CABIN1: variants seen among roughly 807,000 people sequenced by gnomAD.
CABIN1 encodes calcineurin-binding protein cabin-1.
Under a neutral mutation model 227.7 loss-of-function variants are expected in CABIN1, and 133 were observed. The ratio of observed to expected loss-of-function variants is 0.58; its 90% CI spans 0.51 to 0.67. CABIN1 has a LOEUF of 0.67. Among genes scored for constraint, CABIN1 ranks in the 30% least tolerant of loss-of-function variants. The pLI is 0.00. For missense variants in CABIN1, 2,408 were observed against 2,852.5 expected (o/e 0.84, Z 3.55); for synonymous variants, 1,086 against 1,155.1 (o/e 0.94, Z 1.21).
rs199854929 is a variant in CABIN1 at position 24,050,989 on chromosome 22, G to A, written c.806+15G>A. 32 of 1,614,016 alleles carry A rather than the reference G, an allele frequency of 2.0e-5. 1 individual carries two copies. Among genetic ancestry groups the A allele is most frequent in the South Asian group, 2.0e-4 (18 of 91,070 alleles). On this transcript the variant is annotated intron_variant, in intron 8 of 36. Transcript: ENST00000263119. The stretch of plus-strand genomic sequence containing the variant: ...CCTTTCTTCACGTAGGTTGTCTAGC[G>A]TCTCTGGGAGTGCTGGGTCGGCCAG...
At chr22:24,048,259 C>T (rs570613675) in intron 6 of CABIN1, among the ~76,000 whole-genome samples, 1 of 152,160 alleles carries the variant, frequency 6.6e-6, no homozygotes, top group East Asian at 1.9e-4. Flanking sequence ...CACTATGTGA[C>T]CTCTTTTGTC....
rs913547674 is a variant in CABIN1 at position 24,068,408 on chromosome 22, C to T, written c.2232+1227C>T. 3.3e-5 allele frequency among the ~76,000 whole-genome samples: 5 copies of T among 152,218 alleles called. No individual in the cohort carries two copies. The East Asian group carries it at 9.6e-4, about 29-fold the overall frequency. ...GGGGAGAGAGGCCAGTGGTCTCTGC[C>T]TCCATAGGATGGCCTCAATGCTCAG... On this transcript the variant is annotated intron_variant, in intron 16 of 36. Transcript: ENST00000263119.
At chr22:24,170,900 G>T (rs1200061638) in intron 33 of CABIN1, among the ~76,000 whole-genome samples, 1 of 152,192 alleles carries the variant, frequency 6.6e-6, no homozygotes, top group Non-Finnish European at 1.5e-5. Context: ...GGGTTGAAGG[G>T]TGGACCCACT....
At chr22:24,046,706 G>A (rs1171603839) in intron 6 of CABIN1, among the ~76,000 whole-genome samples, 1 of 152,138 alleles carries the variant, frequency 6.6e-6, no homozygotes, top group Non-Finnish European at 1.5e-5. Context: ...TGGCTCATGT[G>A]GTATTGGTAG....
At chr22:24,119,264 G>C (rs369990640) in intron 27 of CABIN1, 103 bp from the exon 28 acceptor site, 4 of 979,030 alleles carry the variant, frequency 4.1e-6, no homozygotes, top group Admixed American at 1.8e-5. Flanking sequence ...TGATCCAGCC[G>C]TGCTGATCAC....
intron 26 of CABIN1, among the ~76,000 whole-genome samples, chr22:24,099,762 G>A (rs1027055735): frequency 2.6e-5 from 4 of 152,198 alleles, no homozygotes; most frequent in Non-Finnish European, 4.4e-5. Flanking sequence ...TTGTCCACAT[G>A]CCATGTGGCC....
chr22:24,145,510 G>T (rs1334482125), intron 29 of CABIN1, among the ~76,000 whole-genome samples: 1 of 152,212 alleles, frequency 6.6e-6, no homozygotes, highest in Non-Finnish European at 1.5e-5. Flanking sequence ...GACCCAGACT[G>T]CCTGTGGACT....
At chr22:24,135,195 A>T (rs955224763) in intron 29 of CABIN1, among the ~76,000 whole-genome samples, 2 of 152,098 alleles carry the variant, frequency 1.3e-5, no homozygotes, top group African/African-American at 4.8e-5. Flanking sequence ...GTTCAAGACC[A>T]GCCTGGCCAA....
At chr22:24,093,086 G>GT (rs2147256803) in intron 24 of CABIN1, among the ~76,000 whole-genome samples, 1 of 152,306 alleles carries the variant, frequency 6.6e-6, no homozygotes, top group East Asian at 1.9e-4. Flanking sequence ...CACATCATGA[G>GT]TATTTCCAAG....
intron 28 of CABIN1, among the ~76,000 whole-genome samples, chr22:24,126,877 A>T (rs2043758424): frequency 6.6e-6 from 1 of 152,014 alleles, no homozygotes; most frequent in Non-Finnish European, 1.5e-5. Flanking sequence ...TGTGTGCCTG[A>T]AATCCCAGCT....
At chr22:24,147,172 T>C (rs1368814407) in intron 29 of CABIN1, among the ~76,000 whole-genome samples, 1 of 152,164 alleles carries the variant, frequency 6.6e-6, no homozygotes, top group Non-Finnish European at 1.5e-5. Flanking sequence ...ATGAACTTCA[T>C]TTCCCACCAC....
intron 6 of CABIN1, 127 bp from the exon 7 acceptor site, chr22:24,048,964 G>T: frequency 9.3e-7 from 1 of 1,075,488 alleles, no homozygotes; most frequent in East Asian, 2.4e-5. Flanking sequence ...TAGTTAAAGT[G>T]GTATCTCATT....
chr22:24,140,169 T>G (rs1242409393), intron 29 of CABIN1, among the ~76,000 whole-genome samples: 1 of 152,086 alleles, frequency 6.6e-6, no homozygotes, highest in African/African-American at 2.4e-5. Flanking sequence ...GACCAGAGAA[T>G]GGGATGGGTG....
At position 24,083,352 on chromosome 22, in the gene CABIN1, G is replaced by A; in HGVS notation, c.2873G>A (p.Ser958Asn). ...CTGTACAGCTTCCCCAGCAAGAAGAGTAAGGCCAGGTACCTGGAGGAACAC... is the reference window on the plus strand; with the variant it reads ...CTGTACAGCTTCCCCAGCAAGAAGAATAAGGCCAGGTACCTGGAGGAACAC... ...YCLYSFPSKK[S>N]KARYLEEHSA... The change falls in exon 20 of 37, where the codon AGT becomes AAT. Residue 958 changes from serine (S) to asparagine (N), a missense_variant. Around this residue, in one of 3 missense-constraint regions of CABIN1, gnomAD observed 649 missense variants for 910.3 expected, o/e 0.71. Transcript: ENST00000263119. The A allele has an allele frequency of 1.2e-6, 2 of 1,613,998 alleles. No homozygotes were observed. The highest frequency in any genetic ancestry group is 1.7e-4 in the Middle Eastern group (1 of 5,964).
intron 26 of CABIN1, among the ~76,000 whole-genome samples, chr22:24,100,728 A>G (rs1364172554): frequency 6.6e-6 from 1 of 152,230 alleles, no homozygotes; most frequent in African/African-American, 2.4e-5. Flanking sequence ...AGGCAAGTGC[A>G]CAGCAGGCCC....
intron 26 of CABIN1, among the ~76,000 whole-genome samples, chr22:24,101,943 T>C (rs565911665): frequency 5.3e-5 from 8 of 152,314 alleles, no homozygotes; most frequent in African/African-American, 1.7e-4. Flanking sequence ...TGCTGGGCTC[T>C]GGGCAGGTGC....
chr22:24,134,424 T>A lies in CABIN1; in HGVS notation c.4746+9T>A. The A allele has an allele frequency of 1.2e-6, 2 of 1,604,516 alleles. No homozygotes were observed. The highest frequency in any genetic ancestry group is 1.7e-6 in the Non-Finnish European group (2 of 1,171,378). On this transcript the variant is annotated intron_variant, in intron 29 of 36. Transcript: ENST00000263119. Reference sequence around the variant, plus strand: ...AGACCAATTTCTTCAACGTGAGTACTTTGCCTTGTTGATTTCCAAGGCTGT... The same window carrying A: ...AGACCAATTTCTTCAACGTGAGTACATTGCCTTGTTGATTTCCAAGGCTGT...
At chr22:24,102,905 C>CCATCT (rs1421288802) in intron 26 of CABIN1, 1 of 152,492 alleles carries the variant, frequency 6.6e-6, no homozygotes, top group East Asian at 1.9e-4. Flanking sequence ...TTGTGGCCAT[C>CCATCT]CATCCTCAAC....
rs1337191779 is a variant in CABIN1, at chr22:24,017,402, A to T, written c.-75+6035A>T. On this transcript the variant is annotated intron_variant, in intron 1 of 36. Coordinates refer to ENST00000263119, the MANE Select transcript of CABIN1 (RefSeq NM_012295.4). ...TGCCATTAAATACATCCACATTGTT[A>T]TGCAGCCATCACCACCATCCATCTC... Among the ~76,000 whole-genome samples the T allele has an allele frequency of 2.0e-5, 3 of 152,176 alleles. No individual in the cohort carries two copies. The East Asian group carries it at 5.8e-4, about 29-fold the overall frequency.
Sources: allele counts gnomAD v4.1 joint callset (sites outside exome capture counted in the v4.1 genomes callset), GRCh38; gene constraint gnomAD v4.1.1; regional missense constraint gnomAD v4.1.1; transcripts MANE v1.5; gene names NCBI Gene and HGNC (gene_info 2026-07-23, HGNC 2026-07-21).